Variants in MGMT observed in about 807,000 individuals in gnomAD.
MGMT encodes the protein O-6-methylguanine-DNA methyltransferase.
MGMT carries 14 observed loss-of-function variants against 15.9 expected under a neutral mutation model. The observed-to-expected ratio is 0.88, with a 90% CI of 0.58 to 1.37. The LOEUF is 1.37. Among genes scored for constraint, MGMT ranks in the 40% most tolerant of loss-of-function variants. The pLI, the probability that MGMT is intolerant of heterozygous loss-of-function variation, is 0.00. For missense variants in MGMT, 282 were observed against 268.1 expected, an observed-to-expected ratio of 1.05 and a Z score of -0.36; for synonymous variants, 130 against 118.2, an observed-to-expected ratio of 1.10 and a Z score of -0.65.
At position 129,533,941 on chromosome 10, in the gene MGMT, C is replaced by T. The variant is rs561094475; in HGVS notation, c.-12-2300C>T. ...ATGAGACTTGGGGGAGTTGGGGCAG[C>T]GTACTCCAGGGGATAAGATCAGAGG... On this transcript the variant is annotated intron_variant, in intron 1 of 4. Coordinates refer to ENST00000651593, the MANE Select transcript of MGMT (RefSeq NM_002412.5). The surrounding 1 kb of genome is among the most constrained non-coding windows in gnomAD (Gnocchi z 4.5). 2.0e-5 allele frequency among the ~76,000 whole-genome samples: 3 copies of T among 152,108 alleles called. No individual in the cohort carries two copies. Among genetic ancestry groups the T allele is most frequent in the South Asian group, 2.1e-4 (1 of 4,810 alleles).
At chr10:129,470,961 C>T (rs1001479261) in intron 1 of MGMT, among the ~76,000 whole-genome samples, 2 of 152,178 alleles carry the variant, frequency 1.3e-5, no homozygotes, top group African/African-American at 4.8e-5. Flanking sequence ...TGTGTTCACT[C>T]TCCTACTCCT....
At chr10:129,732,515 T>C (rs1848511577) in intron 3 of MGMT, among the ~76,000 whole-genome samples, 1 of 151,926 alleles carries the variant, frequency 6.6e-6, no homozygotes, top group African/African-American at 2.4e-5. Flanking sequence ...TGGTATTCCA[T>C]AGTGTACACA....
chr10:129,717,624 C>T (rs1428277833), intron 3 of MGMT: 2 of 152,160 alleles, frequency 1.3e-5, no homozygotes, highest in African/African-American at 2.4e-5. Context: ...TGCTTCCCTG[C>T]AGCAGATAAA....
chr10:129,761,028 A>T (rs1307988621), intron 4 of MGMT, among the ~76,000 whole-genome samples: 2 of 152,142 alleles, frequency 1.3e-5, no homozygotes, highest in African/African-American at 4.8e-5. Flanking sequence ...GACATTTCCC[A>T]ATAAAACTTA....
At chr10:129,740,516 A>T (rs967525151) in intron 3 of MGMT, among the ~76,000 whole-genome samples, 1 of 152,230 alleles carries the variant, frequency 6.6e-6, no homozygotes, top group Non-Finnish European at 1.5e-5. Flanking sequence ...TGTCCTTTCC[A>T]CATACAAAGC....
At chr10:129,619,471 CT>C (rs906873408) in intron 2 of MGMT, among the ~76,000 whole-genome samples, 6 of 152,088 alleles carry the variant, frequency 3.9e-5, no homozygotes, top group Non-Finnish European at 7.4e-5. Context: ...CACATTTTGT[CT>C]TTTTTAGGCT....
intron 1 of MGMT, among the ~76,000 whole-genome samples, chr10:129,477,448 C>T (rs997951100): frequency 6.6e-6 from 1 of 152,154 alleles, no homozygotes; most frequent in Non-Finnish European, 1.5e-5. Flanking sequence ...GAAGTCCTGA[C>T]CTCCAATTTG....
chr10:129,750,768 CTG>C (rs1372046098), intron 3 of MGMT, among the ~76,000 whole-genome samples: 11 of 152,084 alleles, frequency 7.2e-5, no homozygotes, highest in Non-Finnish European at 1.3e-4. Flanking sequence ...CAAGGAATGA[CTG>C]TATATCTGTG....
intron 3 of MGMT, among the ~76,000 whole-genome samples, chr10:129,757,263 C>T (rs1848817881): frequency 6.6e-6 from 1 of 152,220 alleles, no homozygotes; most frequent in Non-Finnish European, 1.5e-5. Context: ...GATACTTTTA[C>T]ACTTGGAAAG....
chr10:129,580,900 G>A (rs1047133693), intron 2 of MGMT, among the ~76,000 whole-genome samples: 1 of 152,200 alleles, frequency 6.6e-6, no homozygotes, highest in African/African-American at 2.4e-5. Context: ...CCATTTCTGG[G>A]AACCATGGTT....
intron 2 of MGMT, among the ~76,000 whole-genome samples, chr10:129,542,805 C>T (rs1340506441): frequency 2.6e-5 from 4 of 152,164 alleles, no homozygotes; most frequent in Admixed American, 1.3e-4. Flanking sequence ...TGTTCTTGCC[C>T]CTGCTGGCTC....
At chr10:129,662,686 C>G (rs1217078109) in intron 2 of MGMT, among the ~76,000 whole-genome samples, 1 of 151,980 alleles carries the variant, frequency 6.6e-6, no homozygotes, top group Non-Finnish European at 1.5e-5. Context: ...GTGAGCAGCA[C>G]ATGTGAAACA....
intron 2 of MGMT, among the ~76,000 whole-genome samples, chr10:129,667,573 C>T (rs1847673689): frequency 6.6e-6 from 1 of 152,146 alleles, no homozygotes; most frequent in South Asian, 2.1e-4. Flanking sequence ...AATGATGCCC[C>T]TGCCTGTGGT....
At chr10:129,555,030 C>G (rs1846197244) in intron 2 of MGMT, among the ~76,000 whole-genome samples, 2 of 152,206 alleles carry the variant, frequency 1.3e-5, no homozygotes, top group South Asian at 4.1e-4. Context: ...CAGCAGGAAA[C>G]TCTTAGAACA....
In MGMT at chr10:129,756,007, C is replaced by T. The variant is rs554216935; in HGVS notation, c.275-3195C>T. On this transcript the variant is annotated intron_variant, in intron 3 of 4. Transcript: ENST00000651593. ...CAGAGCCTTGAGCTCCACTCCATGG[C>T]GTGGCATGAAAACACCTCGCATAAA... Among the ~76,000 whole-genome samples the T allele has an allele frequency of 9.9e-5, 15 of 152,278 alleles. 1 individual carries two copies. The highest frequency in any genetic ancestry group is 3.4e-4 in the African/African-American group (14 of 41,566).
At chr10:129,766,652 A>C (rs1157447293) in intron 4 of MGMT, 136 bp from the exon 5 acceptor site, 40 of 749,896 alleles carry the variant, frequency 5.3e-5, no homozygotes, top group Non-Finnish European at 7.8e-5. Flanking sequence ...ACACCCACCC[A>C]TGCCAACAGC....
At chr10:129,661,382 AC>A (rs1847595926) in intron 2 of MGMT, among the ~76,000 whole-genome samples, 1 of 152,308 alleles carries the variant, frequency 6.6e-6, no homozygotes, top group African/African-American at 2.4e-5. Context: ...ATAAGGCTGT[AC>A]CAACTCATAC....
In MGMT at chr10:129,767,472, C is replaced by T; in HGVS notation, c.*475C>T. ...AGTTCCTAGCATCCCACACCCAGGT[C>T]TCACTGAAAGAAAGGGGAACAGGCC... On this transcript the variant is annotated 3_prime_UTR_variant, in exon 5 of 5. Transcript: ENST00000651593. 1 of 153,846 alleles carries T rather than the reference C, an allele frequency of 6.5e-6. No homozygotes were observed. The allele number at this position is 153,846 out of a possible 1,614,324, so 9.5% of individuals were successfully genotyped here. A position where few individuals can be genotyped will look rare whatever the true frequency, so the allele number is the denominator to read the frequency against.
intron 2 of MGMT, chr10:129,700,528 C>T (rs1848086530): frequency 6.6e-6 from 1 of 152,120 alleles, no homozygotes; most frequent in Non-Finnish European, 1.5e-5. Flanking sequence ...GTTTGACCCT[C>T]ACCTTCCCTT....
Sources: gnomAD v4.1 joint callset for allele counts (sites outside exome capture counted in the v4.1 genomes callset) on GRCh38, gnomAD v4.1.1 for gene constraint, Gnocchi (gnomAD v3.1) non-coding constraint, MANE v1.5 for transcripts, NCBI Gene and HGNC (gene_info 2026-07-23, HGNC 2026-07-21) for gene names.